The following TTC6 variants were observed in gnomAD, a reference collection of about 807,000 sequenced individuals.
The protein encoded by TTC6 is tetratricopeptide repeat domain 6.
TTC6 carries 172 observed loss-of-function variants against 210.4 expected under a neutral mutation model. The observed-to-expected ratio is 0.82, with a 90% CI of 0.72 to 0.93. The LOEUF is 0.93. TTC6 is among the 40% of genes least tolerant of loss of function. The pLI is 0.00. For missense variants in TTC6, 2,414 were observed against 2,318.1 expected (o/e 1.04, Z -0.85); for synonymous variants, 804 against 819.6 (o/e 0.98, Z 0.32).
At chr14:37,795,630 A>T (rs1373625012) in intron 18 of TTC6, among the ~76,000 whole-genome samples, 1 of 152,168 alleles carries the variant, frequency 6.6e-6, no homozygotes, top group Non-Finnish European at 1.5e-5. Flanking sequence ...TCATATGGTT[A>T]TCACATATCT....
chr14:37,803,063 A>G (rs1159015608), intron 20 of TTC6, among the ~76,000 whole-genome samples: 3 of 152,116 alleles, frequency 2.0e-5, no homozygotes, highest in Non-Finnish European at 4.4e-5. Flanking sequence ...AGATTCTGTG[A>G]TCATTACTCA....
intron 29 of TTC6, chr14:37,827,659 C>T (rs2096175327): frequency 4.1e-6 from 1 of 244,956 alleles, no homozygotes; most frequent in Admixed American, 5.3e-5. Flanking sequence ...CAACAAATCG[C>T]ACATATTTAA....
At chr14:37,622,516 T>C (rs934230789) in exon 1 of TTC6, 1 of 1,535,042 alleles carries the variant, frequency 6.5e-7, no homozygotes, top group African/African-American at 1.4e-5. Flanking sequence ...CCCGTGGTCC[T>C]GCTGCCTCCG....
intron 13 of TTC6, among the ~76,000 whole-genome samples, chr14:37,751,822 A>G (rs1432791899): frequency 1.4e-5 from 1 of 72,578 alleles, no homozygotes; most frequent in Admixed American, 2.4e-4. Flanking sequence ...GAGGAAATGA[A>G]CTTTTTTTTT....
chr14:37,637,463 G>A (rs1045996046), intron 1 of TTC6, among the ~76,000 whole-genome samples: 3 of 152,108 alleles, frequency 2.0e-5, no homozygotes, highest in Non-Finnish European at 2.9e-5. Flanking sequence ...AAACTCTACA[G>A]TAGAAAAATC....
intron 15 of TTC6, among the ~76,000 whole-genome samples, chr14:37,789,921 G>A (rs922227943): frequency 6.6e-6 from 1 of 151,980 alleles, no homozygotes; most frequent in Non-Finnish European, 1.5e-5. Flanking sequence ...CCTTAAGGCA[G>A]AATGTCATGA....
At chr14:37,664,321 A>G (rs1400584562) in intron 1 of TTC6, among the ~76,000 whole-genome samples, 1 of 150,624 alleles carries the variant, frequency 6.6e-6, no homozygotes, top group East Asian at 1.9e-4. Context: ...TGAATAGAAC[A>G]GAATAGAGAG....
chr14:37,616,902 A>T lies in TTC6; in HGVS notation c.-154-5148A>T, dbSNP rs552761283. ...TTAAAAAAAATTATTTTTATTTAAGACAGAGTCTTTGTCACCCAGGCTGGA... is the reference window on the plus strand; with the variant it reads ...TTAAAAAAAATTATTTTTATTTAAGTCAGAGTCTTTGTCACCCAGGCTGGA... On this transcript the variant is annotated intron_variant, in intron 2 of 2. Coordinates refer to the TTC6 transcript ENST00000556845. Among the ~76,000 whole-genome samples, 115 of 152,280 alleles carry T rather than the reference A, an allele frequency of 7.6e-4. 2 individuals carry two copies. Among genetic ancestry groups the T allele is most frequent in the Non-Finnish European group, 6.9e-4 (47 of 68,014 alleles).
At chr14:37,779,657 A>G (rs1595249874) in intron 14 of TTC6, among the ~76,000 whole-genome samples, 1 of 152,204 alleles carries the variant, frequency 6.6e-6, no homozygotes, top group Admixed American at 6.5e-5. Flanking sequence ...CCCAGCTTAC[A>G]GCCATTTGCT....
chr14:37,628,650 C>T (rs1475729271), intron 1 of TTC6, among the ~76,000 whole-genome samples: 2 of 152,118 alleles, frequency 1.3e-5, no homozygotes, highest in Admixed American at 1.3e-4. Flanking sequence ...GTTGCCATTG[C>T]TTTTGCTGTT....
chr14:37,718,786 G>A (rs2095856774), intron 6 of TTC6, among the ~76,000 whole-genome samples: 3 of 152,126 alleles, frequency 2.0e-5, no homozygotes, highest in Admixed American at 2.0e-4. Context: ...AAATTAGCTG[G>A]GCATGGTGGT....
intron 14 of TTC6, among the ~76,000 whole-genome samples, chr14:37,762,314 T>A (rs771849052): frequency 6.6e-6 from 1 of 152,228 alleles, no homozygotes; most frequent in Non-Finnish European, 1.5e-5. Context: ...TTTGACATAC[T>A]GATTTCAAAT....
chr14:37,622,746 A>C, exon 1 of TTC6: 9 of 1,534,956 alleles, frequency 5.9e-6, no homozygotes, highest in Non-Finnish European at 7.8e-6. Flanking sequence ...GAGGATCCGC[A>C]GCAACTTCGT....
intron 1 of TTC6, among the ~76,000 whole-genome samples, chr14:37,657,821 C>T (rs2095727807): frequency 6.6e-6 from 1 of 152,072 alleles, no homozygotes; most frequent in South Asian, 2.1e-4. Flanking sequence ...CAGCATAGCC[C>T]ATGTAACTCT....
At chr14:37,821,367 C>T (rs933463280) in intron 26 of TTC6, among the ~76,000 whole-genome samples, 6 of 152,144 alleles carry the variant, frequency 3.9e-5, no homozygotes, top group Admixed American at 3.9e-4. Flanking sequence ...CTGTGCCCGG[C>T]CTGACTTTTA....
intron 3 of TTC6, among the ~76,000 whole-genome samples, chr14:37,695,416 A>G (rs2095812870): frequency 6.6e-6 from 1 of 152,138 alleles, no homozygotes; most frequent in Non-Finnish European, 1.5e-5. Context: ...ATGCAATGGC[A>G]CAATCTTGGC....
intron 29 of TTC6, 60 bp downstream of exon 31, chr14:37,827,426 T>G: frequency 6.6e-7 from 1 of 1,510,390 alleles, no homozygotes; most frequent in Non-Finnish European, 9.1e-7. Context: ...TTATTATATA[T>G]AGCTTCAAAG....
chr14:37,788,354 C>T (rs2139314698), intron 15 of TTC6, among the ~76,000 whole-genome samples: 2 of 152,176 alleles, frequency 1.3e-5, no homozygotes. Flanking sequence ...CACCTGGGTG[C>T]AAAGTTCTGG....
At chr14:37,752,662 C>A (rs1221589871) in intron 13 of TTC6, among the ~76,000 whole-genome samples, 1 of 151,936 alleles carries the variant, frequency 6.6e-6, no homozygotes, top group Non-Finnish European at 1.5e-5. Context: ...ATGAGCCATG[C>A]CAATAATAAT....
Sources: gnomAD v4.1 joint callset for allele counts (sites outside exome capture counted in the v4.1 genomes callset) on GRCh38, gnomAD v4.1.1 for gene constraint, MANE v1.5 for transcripts, NCBI Gene and HGNC (gene_info 2026-07-23, HGNC 2026-07-21) for gene names.